FERMT3: variants seen among roughly 807,000 people sequenced by gnomAD.
FERMT3 encodes fermitin family homolog 3.
Under a neutral mutation model 80.8 loss-of-function variants are expected in FERMT3, and 33 were observed. The ratio of observed to expected loss-of-function variants is 0.41; its 90% CI spans 0.31 to 0.55. The LOEUF is 0.55. FERMT3 is among the 20% of genes least tolerant of loss of function. FERMT3 has a pLI of 0.31. For missense variants in FERMT3, 754 were observed against 908.7 expected, an observed-to-expected ratio of 0.83 and a Z score of 2.19; for synonymous variants, 375 against 372.2, an observed-to-expected ratio of 1.01 and a Z score of -0.09.
At chr11:64,220,177 C>G (rs1946646648) in intron 10 of FERMT3, 43 bp from the exon 11 acceptor site, 1 of 1,598,798 alleles carries the variant, frequency 6.3e-7, no homozygotes, top group South Asian at 1.1e-5. Context: ...TCAGGCGGCT[C>G]TTCCCCTCCC....
intron 14 of FERMT3, 62 bp downstream of exon 14, chr11:64,223,251 A>C: frequency 1.9e-6 from 3 of 1,613,008 alleles, no homozygotes; most frequent in Non-Finnish European, 2.5e-6. Context: ...GGATCCAGCC[A>C]GGGTGGGGCA....
At chr11:64,215,319 G>T (rs1946527019) in intron 6 of FERMT3, among the ~76,000 whole-genome samples, 1 of 152,162 alleles carries the variant, frequency 6.6e-6, no homozygotes, top group Non-Finnish European at 1.5e-5. Flanking sequence ...CTTTTCATAA[G>T]GCTATTAGCC....
intron 6 of FERMT3, among the ~76,000 whole-genome samples, chr11:64,213,555 AT>A (rs34872967): frequency 1.1e-3 from 128 of 120,700 alleles, no homozygotes; most frequent in Admixed American, 1.6e-3. Flanking sequence ...GCCTGGCCTA[AT>A]TTTTTTTTTT....
chr11:64,214,749 C>T (rs1251973434), intron 6 of FERMT3, among the ~76,000 whole-genome samples: 1 of 151,348 alleles, frequency 6.6e-6, no homozygotes, highest in Non-Finnish European at 1.5e-5. Context: ...TTTTTAATTT[C>T]TGTAACTATA....
In FERMT3 at chr11:64,211,233, C is replaced by T; in HGVS notation, c.515-42C>T. The T allele has an allele frequency of 1.9e-6, 3 of 1,611,068 alleles. No individual in the cohort carries two copies. Among genetic ancestry groups the T allele is most frequent in the South Asian group, 2.2e-5 (2 of 90,722 alleles). Reference sequence around the variant, plus strand: ...GCAGGGGCCGGCCCGTGAGTCCCAGCCCTGGGGGACAGGCCTGGTTGACTC... The same window carrying T: ...GCAGGGGCCGGCCCGTGAGTCCCAGTCCTGGGGGACAGGCCTGGTTGACTC... On this transcript the variant is annotated intron_variant, in intron 4 of 14. Transcript: ENST00000345728. The surrounding 1 kb of genome is among the most constrained non-coding windows in gnomAD (Gnocchi z 4.7).
At chr11:64,222,418 A>G (rs1166249314) in intron 13 of FERMT3, among the ~76,000 whole-genome samples, 1 of 151,130 alleles carries the variant, frequency 6.6e-6, no homozygotes, top group Non-Finnish European at 1.5e-5. Flanking sequence ...CACAAAAATC[A>G]GCCACAAGTG....
intron 6 of FERMT3, among the ~76,000 whole-genome samples, chr11:64,213,851 G>A (rs758538542): frequency 6.6e-5 from 10 of 152,116 alleles, no homozygotes; most frequent in Admixed American, 2.6e-4. Context: ...CGTGAGCCAC[G>A]GCGTCGGGCC....
At chr11:64,220,080 T>G in intron 10 of FERMT3, 65 bp downstream of exon 10, 1 of 1,594,664 alleles carries the variant, frequency 6.3e-7, no homozygotes, top group East Asian at 2.2e-5. Context: ...AGGTGAATGC[T>G]CTCACCGGCC....
At position 64,223,299 on chromosome 11, in the gene FERMT3, T is replaced by C. The variant is rs1296363689; in HGVS notation, c.1813-14T>C. 8.1e-6 allele frequency: 13 copies of C among 1,613,710 alleles called. No homozygotes were observed. The highest frequency in any genetic ancestry group is 1.0e-5 in the Non-Finnish European group (12 of 1,180,038). On this transcript the variant is annotated splice_polypyrimidine_tract_variant and intron_variant, in intron 14 of 14. Coordinates refer to ENST00000345728, the MANE Select transcript of FERMT3 (RefSeq NM_031471.6). ...TTATCCCACCCACCATTTGCCCCTC[T>C]GTCTGCCCTTCAGGTGGCCATCGAG...
At chr11:64,222,272 TAAATAAATAAAA>T (rs1946709188) in intron 13 of FERMT3, among the ~76,000 whole-genome samples, 2 of 144,262 alleles carry the variant, frequency 1.4e-5, no homozygotes, top group South Asian at 4.3e-4. Context: ...AATAAATAAA[TAAATAAATAAAA>T]GAGCCTGCGC....
At chr11:64,207,555 G>C (rs560752986) in intron 2 of FERMT3, 31 bp downstream of exon 2, 1 of 1,577,916 alleles carries the variant, frequency 6.3e-7, no homozygotes, top group Non-Finnish European at 8.6e-7. Context: ...TGCTGAACTC[G>C]GCACCATGGG....
At chr11:64,212,188 G>C (rs1312784112) in intron 6 of FERMT3, among the ~76,000 whole-genome samples, 1 of 152,138 alleles carries the variant, frequency 6.6e-6, no homozygotes, top group Non-Finnish European at 1.5e-5. Flanking sequence ...AGCTTTGCAG[G>C]GTGGCCCCTC....
At position 64,220,000 on chromosome 11, in the gene FERMT3, C is replaced by A; in HGVS notation, c.1189C>A (p.Gln397Lys). The change falls in exon 10 of 15, where the codon CAG (glutamine) becomes AAG (lysine). Residue 397 changes from glutamine to lysine, a missense_variant. Gln to Lys is a moderately conservative substitution (Grantham distance 53). Coordinates refer to ENST00000345728, the MANE Select transcript of FERMT3 (RefSeq NM_031471.6). This position sits in a 1 kb window ranked among gnomAD's most constrained non-coding sequence, Gnocchi z 4.0. ...QDEAPGDPIQ[Q>K]LNLKGCEVVP... ...CGAGGCCCCTGGGGACCCCATTCAG[C>A]AGCTCAACCTCAAGGGTAAGTGCAC... is the stretch of plus-strand genomic sequence containing the variant. 6.2e-7 allele frequency: 1 copy of A among 1,613,718 alleles called. No individual in the cohort carries two copies. The highest frequency in any genetic ancestry group is 8.5e-7 in the Non-Finnish European group (1 of 1,180,014).
chr11:64,211,858 C>G lies in FERMT3; in HGVS notation c.786+111C>G, dbSNP rs1946450723. The G allele has an allele frequency of 9.7e-7, 1 of 1,034,162 alleles. No homozygotes were observed. Among genetic ancestry groups the G allele is most frequent in the African/African-American group, 1.6e-5 (1 of 64,080 alleles). The allele number at this position is 1,034,162 out of a possible 1,614,324, so 64.1% of individuals were successfully genotyped here. On this transcript the variant is annotated intron_variant, in intron 6 of 14. Transcript: ENST00000345728. The surrounding 1 kb of genome is among the most constrained non-coding windows in gnomAD (Gnocchi z 4.7). Reference sequence around the variant, plus strand: ...GACTTGTAGTGGCCTGTCCGTCTGCCCGTTTGTCCATCCACACCTTTGTTT... The same window carrying G: ...GACTTGTAGTGGCCTGTCCGTCTGCGCGTTTGTCCATCCACACCTTTGTTT...
At chr11:64,207,631 T>TCTGAGCAG (rs1946342298) in intron 2 of FERMT3, 107 bp downstream of exon 2, 2 of 1,343,078 alleles carry the variant, frequency 1.5e-6, no homozygotes, top group African/African-American at 2.9e-5. Context: ...GATAATGGTG[T>TCTGAGCAG]CACGGTGACT....
At chr11:64,221,537 G>A (rs919717643) in intron 13 of FERMT3, among the ~76,000 whole-genome samples, 1 of 151,978 alleles carries the variant, frequency 6.6e-6, no homozygotes, top group Non-Finnish European at 1.5e-5. Context: ...AGGCTGAGGT[G>A]GGAGGATCTC....
At chr11:64,223,286 C>T in intron 14 of FERMT3, 27 bp from the exon 15 acceptor site, 1 of 1,613,534 alleles carries the variant, frequency 6.2e-7, no homozygotes, top group Non-Finnish European at 8.5e-7. Context: ...ATCCCACCCA[C>T]CATTTGCCCC....
At position 64,219,475 on chromosome 11, in the gene FERMT3, G is replaced by C. The variant is rs1565295274; in HGVS notation, c.895-49G>C. ...GAAGCCCGGCCTGGGGGTACTGCTA[G>C]GGGACCAGGCTGCTGGACTCAGCCC... is the stretch of plus-strand genomic sequence containing the variant. On this transcript the variant is annotated intron_variant, in intron 7 of 14. Coordinates refer to ENST00000345728, the MANE Select transcript of FERMT3 (RefSeq NM_031471.6). The surrounding 1 kb of genome is among the most constrained non-coding windows in gnomAD (Gnocchi z 4.0). 2 of 1,567,902 alleles carry C rather than the reference G, an allele frequency of 1.3e-6. No individual in the cohort carries two copies. The highest frequency in any genetic ancestry group is 1.7e-6 in the Non-Finnish European group (2 of 1,157,424).
intron 1 of FERMT3, 109 bp downstream of exon 1, chr11:64,206,923 G>A (rs760399731): frequency 8.1e-5 from 13 of 161,036 alleles, no homozygotes; most frequent in South Asian, 5.8e-4. Context: ...CCACCTCCCC[G>A]GAGAGGCTTT....
Sources: gnomAD v4.1 joint callset for allele counts (sites outside exome capture counted in the v4.1 genomes callset) on GRCh38, gnomAD v4.1.1 for gene constraint, Gnocchi (gnomAD v3.1) non-coding constraint, MANE v1.5 for transcripts, NCBI Gene and HGNC (gene_info 2026-07-23, HGNC 2026-07-21) for gene names.